GBE1: variants seen among roughly 807,000 people sequenced by gnomAD.
GBE1 encodes 1,4-alpha-glucan-branching enzyme.
Under a neutral mutation model 88.8 loss-of-function variants are expected in GBE1, and 70 were observed. The ratio of observed to expected loss-of-function variants is 0.79; its 90% confidence interval spans 0.65 to 0.96. The LOEUF (loss-of-function observed/expected upper bound fraction) is 0.96, where lower values mean the gene tolerates loss of function less well. Among genes scored for constraint, GBE1 ranks in the 40% least tolerant of loss-of-function variants. The pLI, the probability that GBE1 is intolerant of heterozygous loss-of-function variation, is 0.00. For synonymous variants in GBE1, 284 were observed against 300.1 expected (o/e 0.95, Z 0.56); for missense variants, 872 against 871.0 (o/e 1.00, Z -0.01).
chr3:81,528,678 T>C (rs1172602357), intron 14 of GBE1, among the ~76,000 whole-genome samples: 2 of 152,076 alleles, frequency 1.3e-5, no homozygotes, highest in Non-Finnish European at 2.9e-5. Context: ...GGTGCATATC[T>C]AGTTGTTATA....
chr3:81,629,261 G>C (rs1228242990), intron 7 of GBE1, among the ~76,000 whole-genome samples: 1 of 137,980 alleles, frequency 7.2e-6, no homozygotes, highest in Non-Finnish European at 1.5e-5. Context: ...TCCCACCTAT[G>C]AGTGAGAATA....
rs1553687068 is a variant in GBE1 at position 81,628,777 on chromosome 3, A to ATG, written c.992+14003_992+14004insCA. Among the ~76,000 whole-genome samples, 43 of 133,698 alleles carry ATG rather than the reference A, an allele frequency of 3.2e-4. 1 individual carries two copies. The highest frequency in any genetic ancestry group is 3.1e-3 in the Admixed American group (38 of 12,378). The allele number at this position is 133,698 out of a possible 152,430, so 87.7% of individuals were successfully genotyped here. ...TATATATATATATATATATATATAT[A>ATG]TATATAGCAACAGAGTATGTTACTA... is the stretch of plus-strand genomic sequence containing the variant. On this transcript the variant is annotated intron_variant, in intron 7 of 15. Transcript: ENST00000429644.
chr3:81,652,598 T>C (rs1231230418), intron 3 of GBE1, among the ~76,000 whole-genome samples: 3 of 152,180 alleles, frequency 2.0e-5, no homozygotes, highest in Non-Finnish European at 4.4e-5. Flanking sequence ...AACACTGACC[T>C]GTGATTGTTA....
At chr3:81,754,728 G>A (rs1706578493) in intron 1 of GBE1, among the ~76,000 whole-genome samples, 1 of 152,100 alleles carries the variant, frequency 6.6e-6, no homozygotes, top group Admixed American at 6.6e-5. Context: ...AATGGGGAAA[G>A]GACAGTCTAT....
At chr3:81,629,508 T>C (rs1457700262) in intron 7 of GBE1, among the ~76,000 whole-genome samples, 3 of 152,100 alleles carry the variant, frequency 2.0e-5, no homozygotes, top group South Asian at 2.1e-4. Context: ...AAAGGGTTTA[T>C]TGAAAAATAA....
chr3:81,737,375 ATTTT>A (rs1158498662), intron 1 of GBE1, among the ~76,000 whole-genome samples: 1 of 35,002 alleles, frequency 2.9e-5, no homozygotes, highest in Non-Finnish European at 6.1e-5. Context: ...ATTTATATAT[ATTTT>A]TATATATATT....
chr3:81,581,183 A>G lies in GBE1; in HGVS notation c.1428T>C (p.Tyr476=). 2 of 1,605,266 alleles carry G rather than the reference A, an allele frequency of 1.2e-6. No individual in the cohort carries two copies. ...CATTTACCTGATCATGGCTCTCTGCATAAGCAATGCACTTTTCAAGGTAGC... is the reference window on the plus strand; with the variant it reads ...CATTTACCTGATCATGGCTCTCTGCGTAAGCAATGCACTTTTCAAGGTAGC... ...NRRYLEKCIA[Y]AESHDQALVG... Residue 476 remains tyrosine (Y), a synonymous_variant, in exon 11 of 16, where the codon TAT becomes TAC. Coordinates refer to ENST00000429644, the MANE Select transcript of GBE1 (RefSeq NM_000158.4).
intron 7 of GBE1, among the ~76,000 whole-genome samples, chr3:81,611,575 C>T (rs189874647): frequency 3.3e-4 from 50 of 152,150 alleles, no homozygotes; most frequent in South Asian, 1.9e-3. Flanking sequence ...TGGAGAGACC[C>T]GTCCAAATAC....
intron 7 of GBE1, among the ~76,000 whole-genome samples, chr3:81,638,534 T>C (rs1435823850): frequency 6.6e-6 from 1 of 152,150 alleles, no homozygotes; most frequent in African/African-American, 2.4e-5. Context: ...ATTATATTCA[T>C]TATTACTAAT....
At chr3:81,540,383 G>A (rs1034939458) in intron 12 of GBE1, among the ~76,000 whole-genome samples, 1 of 152,004 alleles carries the variant, frequency 6.6e-6, no homozygotes, top group African/African-American at 2.4e-5. Context: ...ACAACATGAT[G>A]CCCATGGATA....
intron 14 of GBE1, among the ~76,000 whole-genome samples, chr3:81,532,096 G>A (rs1014596026): frequency 6.6e-6 from 1 of 151,878 alleles, no homozygotes; most frequent in African/African-American, 2.4e-5. Flanking sequence ...CTGCCAAGGG[G>A]TGGGGGAGGG....
At chr3:81,689,893 C>T (rs1173296151) in intron 2 of GBE1, among the ~76,000 whole-genome samples, 1 of 152,226 alleles carries the variant, frequency 6.6e-6, no homozygotes, top group African/African-American at 2.4e-5. Flanking sequence ...AGCACACCAG[C>T]GGGGATTCTA....
At chr3:81,599,438 T>C (rs1482765506) in intron 7 of GBE1, among the ~76,000 whole-genome samples, 1 of 152,082 alleles carries the variant, frequency 6.6e-6, no homozygotes, top group Non-Finnish European at 1.5e-5. Flanking sequence ...CCCACTCTAA[T>C]AGAGCACACC....
At chr3:81,732,516 C>G (rs1706203312) in intron 1 of GBE1, among the ~76,000 whole-genome samples, 1 of 152,124 alleles carries the variant, frequency 6.6e-6, no homozygotes, top group Non-Finnish European at 1.5e-5. Context: ...ATTGTTCATT[C>G]CAAAAACTTT....
At chr3:81,676,512 T>C (rs1443410842) in intron 2 of GBE1, among the ~76,000 whole-genome samples, 1 of 152,242 alleles carries the variant, frequency 6.6e-6, no homozygotes, top group Non-Finnish European at 1.5e-5. Flanking sequence ...GCAATTAATA[T>C]GTACTAATTA....
At chr3:81,692,978 T>A (rs1705543022) in intron 2 of GBE1, among the ~76,000 whole-genome samples, 1 of 152,182 alleles carries the variant, frequency 6.6e-6, no homozygotes, top group Admixed American at 6.5e-5. Flanking sequence ...CTATGACTGA[T>A]GATGAATAAG....
intron 12 of GBE1, among the ~76,000 whole-genome samples, chr3:81,547,625 TTC>T (rs56681369): frequency 0.27 from 36,527 of 137,788 alleles, 5,873 homozygotes; most frequent in Non-Finnish European, 0.35. Flanking sequence ...GGTTCGTTTG[TTC>T]TCTCTCTCTC....
intron 14 of GBE1, among the ~76,000 whole-genome samples, chr3:81,528,202 C>T (rs1310879891): frequency 1.8e-5 from 2 of 110,336 alleles, no homozygotes; most frequent in Non-Finnish European, 3.5e-5. Context: ...GAACATCACA[C>T]AGTGGGGCCT....
At chr3:81,517,606 T>C (rs959859879) in intron 14 of GBE1, among the ~76,000 whole-genome samples, 13 of 150,600 alleles carry the variant, frequency 8.6e-5, no homozygotes, top group Non-Finnish European at 4.4e-5. Flanking sequence ...ATATTAAGTT[T>C]ATAAGAGACA....
Sources: gnomAD v4.1 joint callset for allele counts (sites outside exome capture counted in the v4.1 genomes callset) on GRCh38, gnomAD v4.1.1 for gene constraint, MANE v1.5 for transcripts, NCBI Gene and HGNC (gene_info 2026-07-23, HGNC 2026-07-21) for gene names.